Variants in URB2 observed in about 807,000 individuals in gnomAD.
The protein encoded by URB2 is URB2 ribosome biogenesis homolog.
A neutral mutation model predicts 120.9 loss-of-function variants in URB2; 86 were observed. The observed-to-expected ratio is 0.71, with a 90% confidence interval of 0.60 to 0.85. The LOEUF (loss-of-function observed/expected upper bound fraction) is 0.85. Among genes scored for constraint, URB2 ranks in the 40% least tolerant of loss-of-function variants. The probability of loss-of-function intolerance (pLI) is 0.00; values close to 1 mark genes in which losing one functional copy is unlikely to be tolerated. For missense variants in URB2, 1,765 were observed against 1,836.5 expected (o/e 0.96, Z 0.71); for synonymous variants, 755 against 758.4 (o/e 1.00, Z 0.07).
At chr1:229,657,400 G>C (rs1055400354) in intron 9 of URB2, among the ~76,000 whole-genome samples, 1 of 152,170 alleles carries the variant, frequency 6.6e-6, no homozygotes, top group Non-Finnish European at 1.5e-5. Flanking sequence ...TCAGAGCATG[G>C]GCTCTGGGCT....
At chr1:229,644,320 G>A (rs1181233044) in intron 5 of URB2, among the ~76,000 whole-genome samples, 2 of 152,226 alleles carry the variant, frequency 1.3e-5, no homozygotes, top group East Asian at 3.8e-4. Context: ...GGCATATTCT[G>A]CCTCATGAAT....
chr1:229,643,764 A>C (rs746715279), intron 5 of URB2, 71 bp downstream of exon 5: 203 of 1,557,368 alleles, frequency 1.3e-4, no homozygotes, highest in Non-Finnish European at 1.7e-4. Context: ...AACTGATTTG[A>C]GATGTGGTGT....
At chr1:229,631,883 G>C (rs1277684334) in intron 2 of URB2, among the ~76,000 whole-genome samples, 3 of 152,178 alleles carry the variant, frequency 2.0e-5, no homozygotes, top group African/African-American at 7.2e-5. Context: ...TTGGAATAAA[G>C]GATCTGATAG....
At chr1:229,651,407 A>G (rs1666270712) in intron 8 of URB2, 85 bp downstream of exon 8, 3 of 1,141,990 alleles carry the variant, frequency 2.6e-6, no homozygotes, top group South Asian at 1.9e-5. Context: ...TGAAAATAAA[A>G]CTACTCACTT....
At chr1:229,631,524 C>T (rs373164253) in intron 2 of URB2, among the ~76,000 whole-genome samples, 2 of 152,318 alleles carry the variant, frequency 1.3e-5, no homozygotes, top group South Asian at 2.1e-4. Flanking sequence ...TTTAAAGAGA[C>T]ATGCAGCTAG....
intron 6 of URB2, 132 bp from the exon 7 acceptor site, chr1:229,647,378 A>G: frequency 1.8e-6 from 2 of 1,109,392 alleles, no homozygotes; most frequent in Non-Finnish European, 2.5e-6. Flanking sequence ...AATAGTATTT[A>G]ACGGCCCACG....
At chr1:229,651,882 A>G (rs544485081) in intron 8 of URB2, among the ~76,000 whole-genome samples, 1 of 152,186 alleles carries the variant, frequency 6.6e-6, no homozygotes, top group South Asian at 2.1e-4. Flanking sequence ...GGAGACTTTT[A>G]TTATTTTAAA....
chr1:229,654,202 G>T (rs749804021), intron 8 of URB2, 47 bp from the exon 9 acceptor site: 2 of 1,602,906 alleles, frequency 1.2e-6, no homozygotes, highest in South Asian at 1.1e-5. Context: ...GAGTTAAAAT[G>T]TGCTGTTTTT....
chr1:229,651,418 G>C, intron 8 of URB2, 96 bp downstream of exon 8: 2 of 985,958 alleles, frequency 2.0e-6, no homozygotes, highest in East Asian at 2.8e-5. Context: ...CTACTCACTT[G>C]TGTTTAAATA....
intron 5 of URB2, among the ~76,000 whole-genome samples, chr1:229,644,481 G>A (rs902889367): frequency 7.9e-5 from 12 of 152,330 alleles, no homozygotes; most frequent in African/African-American, 2.9e-4. Flanking sequence ...AGAATGCAGG[G>A]GACTTGATTG....
chr1:229,631,319 A>G (rs1665661829), intron 2 of URB2, among the ~76,000 whole-genome samples: 1 of 152,214 alleles, frequency 6.6e-6, no homozygotes. Context: ...CAGACCACTA[A>G]AACTTTCTCC....
intron 3 of URB2, among the ~76,000 whole-genome samples, 197 bp downstream of exon 3, chr1:229,632,642 A>T (rs564840482): frequency 1.3e-5 from 2 of 152,364 alleles, no homozygotes; most frequent in South Asian, 4.1e-4. Context: ...GTTATTTAAT[A>T]TTCAAAAAAA....
intron 3 of URB2, 132 bp from the exon 4 acceptor site, chr1:229,634,785 G>A (rs1665749815): frequency 1.3e-6 from 1 of 790,752 alleles, no homozygotes; most frequent in Non-Finnish European, 1.8e-6. Context: ...TTGAAATATG[G>A]TAATCTGGGC....
chr1:229,658,894 C>T (rs1333798844), intron 9 of URB2, among the ~76,000 whole-genome samples: 2 of 152,106 alleles, frequency 1.3e-5, no homozygotes, highest in African/African-American at 2.4e-5. Context: ...GCTTCTATTT[C>T]CCCAAAATAC....
intron 2 of URB2, 98 bp downstream of exon 2, chr1:229,627,857 GA>G: frequency 7.1e-7 from 1 of 1,406,242 alleles, no homozygotes; most frequent in Admixed American, 2.7e-5. Flanking sequence ...AAAAAATAGA[GA>G]AAAAGTTGGG....
chr1:229,655,935 C>A (rs1356040977), intron 9 of URB2, among the ~76,000 whole-genome samples: 1 of 152,188 alleles, frequency 6.6e-6, no homozygotes, highest in African/African-American at 2.4e-5. Flanking sequence ...TCTAGAACTA[C>A]TAAATAATTT....
chr1:229,655,255 A>G (rs944826835), intron 9 of URB2, among the ~76,000 whole-genome samples: 2 of 152,044 alleles, frequency 1.3e-5, no homozygotes, highest in African/African-American at 4.8e-5. Context: ...TCTTTTTGAG[A>G]TGGAGTTTTG....
In URB2 at chr1:229,635,481, T is replaced by G. The variant is rs759771017; in HGVS notation, c.868T>G (p.Tyr290Asp). 3.1e-6 allele frequency: 5 copies of G among 1,613,150 alleles called. No individual in the cohort carries two copies. The highest frequency in any genetic ancestry group is 3.4e-6 in the Non-Finnish European group (4 of 1,179,426). Residue 290 changes from tyrosine (Y) to aspartate (D), a missense_variant, in exon 4 of 10, where the codon TAC becomes GAC. Transcript: ENST00000258243. ...GCTTAACAGGCTGGTTGATGCTGGC[T>G]ACTGTGCAGCATCCCTTCATACCTC... ...TVLNRLVDAG[Y>D]CAASLHTSVV...
chr1:229,648,926 A>G (rs912161526), intron 7 of URB2, among the ~76,000 whole-genome samples: 1 of 152,230 alleles, frequency 6.6e-6, no homozygotes, highest in Admixed American at 6.5e-5. Context: ...CACCTAGGCT[A>G]TGGGGTATAG....
Sources: allele counts gnomAD v4.1 joint callset (sites outside exome capture counted in the v4.1 genomes callset), GRCh38; gene constraint gnomAD v4.1.1; transcripts MANE v1.5; gene names NCBI Gene and HGNC (gene_info 2026-07-23, HGNC 2026-07-21).